The following MAN1A1 variants were observed in gnomAD, a reference collection of about 807,000 sequenced individuals.
The protein encoded by MAN1A1 is mannosyl-oligosaccharide 1,2-alpha-mannosidase IA.
In MAN1A1, 29 loss-of-function variants were observed where a neutral mutation model predicts 70.8. That is an observed-to-expected ratio of 0.41 (90% CI 0.31 to 0.56). MAN1A1 has a LOEUF of 0.56. Ranked by LOEUF, MAN1A1 falls within the 20% of genes least tolerant of loss-of-function variation. The pLI is 0.29. For synonymous variants in MAN1A1, 349 were observed against 330.1 expected (o/e 1.06, Z -0.62); for missense variants, 747 against 841.3 (o/e 0.89, Z 1.39).
At chr6:119,251,094 C>T (rs1775305837) in intron 5 of MAN1A1, among the ~76,000 whole-genome samples, 1 of 152,108 alleles carries the variant, frequency 6.6e-6, no homozygotes, top group Admixed American at 6.5e-5. Flanking sequence ...TTCTCATTGC[C>T]AGGTACTATG....
At chr6:119,332,265 TATA>T (rs996448133) in intron 2 of MAN1A1, among the ~76,000 whole-genome samples, 4 of 152,120 alleles carry the variant, frequency 2.6e-5, no homozygotes, top group Non-Finnish European at 4.4e-5. Context: ...CTTAATTATA[TATA>T]ATAACACTAA....
Position 119,348,876 on chromosome 6 carries a change from C to G in MAN1A1, c.190G>C (p.Asp64His). Residue 64 changes from aspartate (D) to histidine (H), a missense_variant, in exon 2 of 13, where the codon GAC (aspartate) becomes CAC (histidine). Transcript: ENST00000368468. ...LCFGAIFFLP[D>H]SSKLLSGVLF... is the part of the protein sequence containing the mutation. Reference sequence around the variant, plus strand: ...ACCCCGCTGAGCAGCTTGGAGGAGTCTGGCAGGAAGAAGATCGCCCCGAAG... The same window carrying G: ...ACCCCGCTGAGCAGCTTGGAGGAGTGTGGCAGGAAGAAGATCGCCCCGAAG... 2 of 1,533,246 alleles carry G rather than the reference C, an allele frequency of 1.3e-6. No homozygotes were observed. Among genetic ancestry groups the G allele is most frequent in the Non-Finnish European group, 1.8e-6 (2 of 1,141,950 alleles). The allele number at this position is 1,533,246 out of a possible 1,614,324, so 95.0% of individuals were successfully genotyped here.
intron 6 of MAN1A1, among the ~76,000 whole-genome samples, chr6:119,216,835 G>A (rs1311887680): frequency 6.6e-6 from 1 of 152,190 alleles, no homozygotes; most frequent in East Asian, 1.9e-4. Flanking sequence ...ATGAATGGAA[G>A]TATACCATAC....
At chr6:119,290,067 G>C (rs1460924424) in intron 5 of MAN1A1, among the ~76,000 whole-genome samples, 1 of 151,928 alleles carries the variant, frequency 6.6e-6, no homozygotes. Context: ...TGACCTTTAT[G>C]AGGATGATAC....
At chr6:119,257,724 C>T (rs1775498395) in intron 5 of MAN1A1, among the ~76,000 whole-genome samples, 1 of 152,034 alleles carries the variant, frequency 6.6e-6, no homozygotes, top group African/African-American at 2.4e-5. Flanking sequence ...AGAGGAAACC[C>T]AATGGCTATA....
chr6:119,326,439 T>A (rs1004316158), intron 2 of MAN1A1, among the ~76,000 whole-genome samples: 2 of 152,176 alleles, frequency 1.3e-5, no homozygotes, highest in African/African-American at 4.8e-5. Context: ...AAACCGGTTA[T>A]AACAAATGGA....
At chr6:119,229,307 G>A (rs1774610879) in intron 6 of MAN1A1, among the ~76,000 whole-genome samples, 1 of 152,002 alleles carries the variant, frequency 6.6e-6, no homozygotes, top group Admixed American at 6.6e-5. Context: ...GGGAAGCAGT[G>A]TTATAATAAA....
At chr6:119,212,065 C>T (rs1459728381) in intron 6 of MAN1A1, among the ~76,000 whole-genome samples, 1 of 151,736 alleles carries the variant, frequency 6.6e-6, no homozygotes, top group Non-Finnish European at 1.5e-5. Flanking sequence ...TGGTCTCGAT[C>T]TCCCAACCTC....
chr6:119,332,840 G>A (rs543085783), intron 2 of MAN1A1, among the ~76,000 whole-genome samples: 3 of 135,562 alleles, frequency 2.2e-5, no homozygotes, highest in African/African-American at 5.3e-5. Context: ...TAAATATGAA[G>A]GCAAAATTCT....
chr6:119,271,728 T>G (rs1775930243), intron 5 of MAN1A1, among the ~76,000 whole-genome samples: 1 of 152,108 alleles, frequency 6.6e-6, no homozygotes, highest in Admixed American at 6.5e-5. Context: ...GGTTTCCAAC[T>G]CCTGACCTCA....
intron 5 of MAN1A1, among the ~76,000 whole-genome samples, chr6:119,256,556 C>T (rs1442881141): frequency 6.6e-6 from 1 of 152,054 alleles, no homozygotes; most frequent in Non-Finnish European, 1.5e-5. Context: ...ATGGATATCA[C>T]CACTGTCCAC....
At chr6:119,226,146 G>T (rs1015111796) in intron 6 of MAN1A1, among the ~76,000 whole-genome samples, 4 of 152,126 alleles carry the variant, frequency 2.6e-5, no homozygotes, top group Non-Finnish European at 5.9e-5. Flanking sequence ...CATGAGAAAA[G>T]AAACTAATAT....
At chr6:119,248,813 G>T (rs1186233079) in intron 5 of MAN1A1, among the ~76,000 whole-genome samples, 2 of 152,182 alleles carry the variant, frequency 1.3e-5, no homozygotes, top group Non-Finnish European at 2.9e-5. Context: ...AGAGCACAGA[G>T]AAAGAAGTTT....
intron 7 of MAN1A1, among the ~76,000 whole-genome samples, chr6:119,202,396 G>A (rs1773737527): frequency 6.6e-6 from 1 of 152,066 alleles, no homozygotes; most frequent in Admixed American, 6.5e-5. Context: ...TAGCACGCAT[G>A]GAGCTGTCAA....
intron 2 of MAN1A1, among the ~76,000 whole-genome samples, chr6:119,336,409 C>T (rs138724417): frequency 3.6e-4 from 54 of 151,898 alleles, no homozygotes; most frequent in Middle Eastern, 3.4e-3. Flanking sequence ...GATTCTGATG[C>T]ATGTTGAAGT....
chr6:119,253,982 A>G (rs974845517), intron 5 of MAN1A1, among the ~76,000 whole-genome samples: 3 of 152,190 alleles, frequency 2.0e-5, no homozygotes, highest in Non-Finnish European at 2.9e-5. Context: ...TTCAATCTCA[A>G]TGTTTGATTT....
intron 8 of MAN1A1, among the ~76,000 whole-genome samples, chr6:119,197,389 C>T (rs1004741888): frequency 2.0e-5 from 3 of 151,672 alleles, no homozygotes; most frequent in African/African-American, 7.3e-5. Flanking sequence ...AGTAAGTAAA[C>T]ACCTACTAGG....
Position 119,349,625 on chromosome 6 carries a change from T to C in MAN1A1, c.-306A>G. On this transcript the variant is annotated 5_prime_UTR_variant, in exon 1 of 13. Coordinates refer to ENST00000368468, the MANE Select transcript of MAN1A1 (RefSeq NM_005907.4). ...TCTCCGCGCTGAGACTGCTGCCTCT[T>C]TCCTAGGCTGGGCTGAGCGCGCTGT... The C allele has an allele frequency of 3.0e-6, 3 of 985,758 alleles. No individual in the cohort carries two copies. The highest frequency in any genetic ancestry group is 3.6e-6 in the Non-Finnish European group (3 of 829,950). The allele number at this position is 985,758 out of a possible 1,614,324, so 61.1% of individuals were successfully genotyped here.
chr6:119,250,650 G>C (rs77096652), intron 5 of MAN1A1, among the ~76,000 whole-genome samples: 70 of 71,180 alleles, frequency 9.8e-4, no homozygotes, highest in Admixed American at 2.2e-3. Flanking sequence ...TTCTCTCTCT[G>C]TGTGTGTGTG....
Sources: gnomAD v4.1 joint callset for allele counts (sites outside exome capture counted in the v4.1 genomes callset) on GRCh38, gnomAD v4.1.1 for gene constraint, MANE v1.5 for transcripts, NCBI Gene and HGNC (gene_info 2026-07-23, HGNC 2026-07-21) for gene names.